TRABD2B: variants seen among roughly 807,000 people sequenced by gnomAD.
The protein encoded by TRABD2B is TraB domain containing 2B, also known as metalloprotease TIKI2.
In TRABD2B, 14 loss-of-function variants were observed where a neutral mutation model predicts 40.1. That is an observed-to-expected ratio of 0.35 (90% CI 0.23 to 0.55). TRABD2B has a LOEUF of 0.55. Ranked by LOEUF, TRABD2B falls within the 20% of genes least tolerant of loss-of-function variation. TRABD2B has a pLI of 0.90. For missense variants in TRABD2B, 541 were observed against 648.6 expected, an observed-to-expected ratio of 0.83 and a Z score of 1.80; for synonymous variants, 263 against 277.0, an observed-to-expected ratio of 0.95 and a Z score of 0.50.
chr1:47,846,383 G>C (rs1421644433), intron 2 of TRABD2B, among the ~76,000 whole-genome samples: 1 of 152,086 alleles, frequency 6.6e-6, no homozygotes, highest in Non-Finnish European at 1.5e-5. Flanking sequence ...TGGGCAGTGA[G>C]AAGGAGCTGA....
chr1:47,951,943 G>A (rs777294626), intron 2 of TRABD2B, among the ~76,000 whole-genome samples: 3 of 152,212 alleles, frequency 2.0e-5, no homozygotes, highest in Non-Finnish European at 4.4e-5. Flanking sequence ...TCAAACTGAG[G>A]CATAAAGCAG....
intron 2 of TRABD2B, among the ~76,000 whole-genome samples, chr1:47,944,832 T>C (rs1433212431): frequency 1.3e-5 from 2 of 152,070 alleles, no homozygotes; most frequent in Non-Finnish European, 2.9e-5. Context: ...AAGGAGGAAA[T>C]AGCCAGCTCT....
intron 2 of TRABD2B, among the ~76,000 whole-genome samples, chr1:47,920,213 A>G (rs1404482746): frequency 6.6e-6 from 1 of 152,196 alleles, no homozygotes; most frequent in Non-Finnish European, 1.5e-5. Flanking sequence ...GGCAGGTGTT[A>G]TAATTATTCT....
intron 2 of TRABD2B, among the ~76,000 whole-genome samples, chr1:47,986,236 G>A (rs1645917401): frequency 6.6e-6 from 1 of 152,084 alleles, no homozygotes; most frequent in Non-Finnish European, 1.5e-5. Context: ...ACCCATGAAT[G>A]TTACAAAGTT....
intron 2 of TRABD2B, among the ~76,000 whole-genome samples, chr1:47,809,007 C>T (rs927687620): frequency 6.6e-6 from 1 of 152,124 alleles, no homozygotes; most frequent in Admixed American, 6.5e-5. Context: ...TCACGGCCTC[C>T]CCAGTCTGCT....
chr1:47,834,575 A>G (rs36044737), intron 2 of TRABD2B, among the ~76,000 whole-genome samples: 12 of 149,022 alleles, frequency 8.1e-5, no homozygotes, highest in South Asian at 6.3e-4. Context: ...ACACACACAC[A>G]CGCGCACACA....
chr1:47,766,021 G>T lies in TRABD2B; in HGVS notation c.1435C>A (p.Leu479Ile), dbSNP rs1323929440. The change falls in exon 7 of 7, where the codon CTA becomes ATA. Residue 479 changes from leucine (L) to isoleucine (I), a missense_variant. Around this residue, in one of 2 missense-constraint regions of TRABD2B, gnomAD observed 172 missense variants for 155.8 expected, o/e 1.10. Coordinates refer to ENST00000606738, the MANE Select transcript of TRABD2B (RefSeq NM_001194986.2). ...AKPPFQLSDQ[L>I]QQQDPPGPAS... ...GGCCCTGGCGGGTCCTGCTGTTGTA[G>T]CTGGTCTGAAAGCTGGAAGGGGGGC... 1 of 696,396 alleles carries T rather than the reference G, an allele frequency of 1.4e-6. No individual in the cohort carries two copies. The highest frequency in any genetic ancestry group is 2.6e-6 in the Non-Finnish European group (1 of 381,550). 43.1% of individuals were successfully genotyped at this position (696,396 alleles called of 1,614,324 possible).
intron 2 of TRABD2B, among the ~76,000 whole-genome samples, chr1:47,865,436 T>C (rs1343906209): frequency 6.6e-6 from 1 of 152,084 alleles, no homozygotes; most frequent in Admixed American, 6.5e-5. Flanking sequence ...TGCTGGTGGA[T>C]GCTTTACCTG....
chr1:47,987,705 G>C (rs1393290082), intron 2 of TRABD2B, among the ~76,000 whole-genome samples: 4 of 152,192 alleles, frequency 2.6e-5, no homozygotes, highest in Non-Finnish European at 4.4e-5. Flanking sequence ...CAGCCCTCTG[G>C]GCACAGAAAT....
intron 2 of TRABD2B, among the ~76,000 whole-genome samples, chr1:47,942,361 T>C (rs1050493866): frequency 4.2e-5 from 6 of 144,374 alleles, no homozygotes; most frequent in African/African-American, 2.5e-5. Flanking sequence ...GAGCTGGAAG[T>C]GGTTGGAACG....
intron 2 of TRABD2B, among the ~76,000 whole-genome samples, chr1:47,961,530 A>G (rs1302998927): frequency 6.6e-6 from 1 of 152,112 alleles, no homozygotes; most frequent in Non-Finnish European, 1.5e-5. Context: ...AAATCAAACA[A>G]CCCCTTCAAA....
intron 2 of TRABD2B, among the ~76,000 whole-genome samples, chr1:47,811,954 G>A (rs940896455): frequency 5.9e-5 from 9 of 152,210 alleles, no homozygotes; most frequent in Admixed American, 1.3e-4. Context: ...TACATGTGGA[G>A]GCTCATTTAT....
At chr1:47,860,561 T>G (rs1166776565) in intron 2 of TRABD2B, among the ~76,000 whole-genome samples, 1 of 152,184 alleles carries the variant, frequency 6.6e-6, no homozygotes, top group Non-Finnish European at 1.5e-5. Context: ...CCTGGATTCC[T>G]GAATGACTTT....
intron 2 of TRABD2B, among the ~76,000 whole-genome samples, chr1:47,992,170 C>G (rs1456513803): frequency 6.6e-6 from 1 of 152,144 alleles, no homozygotes; most frequent in African/African-American, 2.4e-5. Context: ...AGAGTGGGCC[C>G]AGGCTGGTGA....
chr1:47,791,323 C>A (rs1308317953), intron 4 of TRABD2B, among the ~76,000 whole-genome samples: 1 of 152,244 alleles, frequency 6.6e-6, no homozygotes, highest in Non-Finnish European at 1.5e-5. Flanking sequence ...CCAGCAGGGG[C>A]TTGGCTCAGA....
At chr1:47,773,951 T>C (rs1363337449) in intron 6 of TRABD2B, among the ~76,000 whole-genome samples, 1 of 152,214 alleles carries the variant, frequency 6.6e-6, no homozygotes, top group Non-Finnish European at 1.5e-5. Flanking sequence ...GAGACCTGGC[T>C]GTAGGAGATT....
chr1:47,777,817 T>C (rs7520681), intron 5 of TRABD2B, among the ~76,000 whole-genome samples: 76,851 of 152,014 alleles, frequency 0.51, 19,947 homozygotes, highest in East Asian at 0.89. Flanking sequence ...ACCTCTCATG[T>C]CTGGCCTGGT....
intron 2 of TRABD2B, among the ~76,000 whole-genome samples, chr1:47,981,158 C>T (rs998939135): frequency 3.3e-5 from 5 of 152,098 alleles, no homozygotes; most frequent in Non-Finnish European, 5.9e-5. Flanking sequence ...AGATAATAGG[C>T]GTGCATCACC....
intron 2 of TRABD2B, among the ~76,000 whole-genome samples, chr1:47,808,013 C>T (rs1239567201): frequency 6.6e-6 from 1 of 152,152 alleles, no homozygotes; most frequent in East Asian, 1.9e-4. Context: ...GATATTTGGT[C>T]AAACTTTTTT....
Sources: gnomAD v4.1 joint callset for allele counts (sites outside exome capture counted in the v4.1 genomes callset) on GRCh38, gnomAD v4.1.1 for gene constraint, gnomAD v4.1.1 regional missense constraint, MANE v1.5 for transcripts, NCBI Gene and HGNC (gene_info 2026-07-23, HGNC 2026-07-21) for gene names.